RPL15: variants seen among roughly 807,000 people sequenced by gnomAD.
RPL15 encodes large ribosomal subunit protein eL15.
For missense variants in RPL15, 161 were observed against 271.8 expected (o/e 0.59, Z 2.87); for synonymous variants, 97 against 95.1 (o/e 1.02, Z -0.12).
chr3:23,920,451 A>G lies in RPL15; in HGVS notation c.*950A>G. On this transcript the variant is annotated 3_prime_UTR_variant, in exon 4 of 4. Transcript: ENST00000307839. ...CCAAACAACCCTAAAAATCCTTACCATTCCACAAAGTTGGACCATCACTTG... is the reference window on the plus strand; with the variant it reads ...CCAAACAACCCTAAAAATCCTTACCGTTCCACAAAGTTGGACCATCACTTG... 9 of 985,404 alleles carry G rather than the reference A, an allele frequency of 9.1e-6. No individual in the cohort carries two copies. Among genetic ancestry groups the G allele is most frequent in the Non-Finnish European group, 1.1e-5 (9 of 829,934 alleles). 61.0% of individuals were successfully genotyped at this position (985,404 alleles called of 1,614,324 possible). A position where few individuals can be genotyped will look rare whatever the true frequency, so the allele number is the denominator to read the frequency against.
upstream of RPL15, chr3:23,916,722 G>GAGA (rs1553644332): frequency 1.3e-5 from 2 of 152,164 alleles, no homozygotes; most frequent in Admixed American, 6.6e-5. Flanking sequence ...GGACAGCGCA[G>GAGA]CGCGGAGACG....
upstream of RPL15, chr3:23,916,621 G>T (rs557722152): frequency 3.3e-5 from 5 of 152,562 alleles, no homozygotes; most frequent in Non-Finnish European, 5.9e-5. Flanking sequence ...CTCCGCGAAG[G>T]CCTCCCTGGG....
Position 23,920,609 on chromosome 3 carries a change from T to C in RPL15, c.*1108T>C. On this transcript the variant is annotated 3_prime_UTR_variant, in exon 4 of 4. Transcript: ENST00000307839. ...AATGTAGACAAGGAATTGCCCAATTTTAAATTCTGACTTTGCTGACTTAAT... is the reference window on the plus strand; with the variant it reads ...AATGTAGACAAGGAATTGCCCAATTCTAAATTCTGACTTTGCTGACTTAAT... 1.0e-6 allele frequency: 1 copy of C among 985,228 alleles called. No individual in the cohort carries two copies. Among genetic ancestry groups the C allele is most frequent in the Non-Finnish European group, 1.2e-6 (1 of 829,746 alleles). 61.0% of individuals were successfully genotyped at this position (985,228 alleles called of 1,614,324 possible). A position where few individuals can be genotyped will look rare whatever the true frequency, so the allele number is the denominator to read the frequency against.
chr3:23,917,937 C>T lies in RPL15; in HGVS notation c.78C>T (p.Arg26=), dbSNP rs772921805. The T allele has an allele frequency of 6.2e-7, 1 of 1,613,706 alleles. No homozygotes were observed. Among genetic ancestry groups the T allele is most frequent in the Non-Finnish European group, 8.5e-7 (1 of 1,179,756 alleles). ...TCATGCGCTTTCTTCTGAGGGTCCGCTGCTGGCAGTACCGCCAGCTCTCTG... is the reference window on the plus strand; with the variant it reads ...TCATGCGCTTTCTTCTGAGGGTCCGTTGCTGGCAGTACCGCCAGCTCTCTG... The part of the protein sequence containing the change: ...SDVMRFLLRV[R]CWQYRQLSAL... Residue 26 remains arginine (R), a synonymous_variant, in exon 2 of 4, where the codon CGC becomes CGT. Transcript: ENST00000307839.
intron 2 of RPL15, 83 bp downstream of exon 2, chr3:23,918,114 C>G: frequency 1.4e-6 from 2 of 1,477,386 alleles, no homozygotes; most frequent in Non-Finnish European, 1.8e-6. Flanking sequence ...ACACTGCTGC[C>G]TCAGTGTCTT....
downstream of RPL15, chr3:23,923,878 ACTCTT>A (rs1294168211): frequency 6.6e-6 from 1 of 152,082 alleles, no homozygotes; most frequent in African/African-American, 2.4e-5. Flanking sequence ...GGGAAATGAT[ACTCTT>A]CTCTACTTTT....
At chr3:23,923,099 T>G (rs9853532), downstream of RPL15, 1 of 152,042 alleles carries the variant, frequency 6.6e-6, no homozygotes, top group Non-Finnish European at 1.5e-5. Context: ...CCACGGTGCC[T>G]GGCCTACATA....
chr3:23,917,702 G>T (rs1704718787), intron 1 of RPL15, 148 bp from the exon 2 acceptor site: 2 of 749,492 alleles, frequency 2.7e-6, no homozygotes, highest in African/African-American at 1.8e-5. Context: ...AGTGGTGGGG[G>T]TTGGGCTAGC....
Position 23,920,410 on chromosome 3 carries a change from A to G in RPL15, c.*909A>G, listed in dbSNP as rs1705012217. 1.0e-6 allele frequency: 1 copy of G among 985,248 alleles called. No homozygotes were observed. The highest frequency in any genetic ancestry group is 1.2e-6 in the Non-Finnish European group (1 of 829,924). 61.0% of individuals were successfully genotyped at this position (985,248 alleles called of 1,614,324 possible). A position where few individuals can be genotyped will look rare whatever the true frequency, so the allele number is the denominator to read the frequency against. ...CCAACCATATGTGTTTTCTGCAGTTATTTCTCTTGTTCTGGCCAAACAACC... is the reference window on the plus strand; with the variant it reads ...CCAACCATATGTGTTTTCTGCAGTTGTTTCTCTTGTTCTGGCCAAACAACC... On this transcript the variant is annotated 3_prime_UTR_variant, in exon 4 of 4. Transcript: ENST00000307839.
At chr3:23,918,130 G>T in intron 2 of RPL15, 99 bp downstream of exon 2, 1 of 1,427,886 alleles carries the variant, frequency 7.0e-7, no homozygotes, top group Non-Finnish European at 9.4e-7. Context: ...GTCTTTCTTC[G>T]CATAGGGCTT....
downstream of RPL15, chr3:23,921,798 C>T (rs1705096847): frequency 1.7e-6 from 1 of 571,706 alleles, no homozygotes; most frequent in African/African-American, 1.9e-5. Context: ...TGGTCTCGAA[C>T]TCCTGACCTC....
chr3:23,921,520 TTAC>T (rs1316585798), downstream of RPL15: 4 of 678,470 alleles, frequency 5.9e-6, no homozygotes, highest in African/African-American at 1.8e-5. Flanking sequence ...CCCATTTGCT[TTAC>T]TATTTCTATA....
Position 23,919,297 on chromosome 3 carries a change from A to G in RPL15, c.411A>G (p.Pro137=), listed in dbSNP as rs1575121314. Residue 137 remains proline (P), a synonymous_variant, in exon 4 of 4, where the codon CCA becomes CCG. Transcript: ENST00000307839. ...YKFFEVILID[P]FHKAIRRNPD... is the part of the protein sequence containing the mutation. ...TTTTTGAGGTTATCCTCATTGATCC[A>G]TTCCATAAAGCTATCAGAAGAAATC... The G allele has an allele frequency of 1.2e-6, 2 of 1,607,494 alleles. No homozygotes were observed. The highest frequency in any genetic ancestry group is 8.5e-7 in the Non-Finnish European group (1 of 1,178,804).
rs1704755332 is a variant in RPL15 at position 23,918,000 on chromosome 3, A to G, written c.141A>G (p.Lys47=). The G allele has an allele frequency of 6.2e-7, 1 of 1,610,864 alleles. No homozygotes were observed. Among genetic ancestry groups the G allele is most frequent in the African/African-American group, 1.3e-5 (1 of 74,838 alleles). Residue 47 remains lysine, a synonymous_variant, in exon 2 of 4, where the codon AAA becomes AAG. Coordinates refer to ENST00000307839, the MANE Select transcript of RPL15 (RefSeq NM_002948.5). ...CTCCCCGCCCCACCCGGCCTGATAA[A>G]GCGCGCCGACTGGGCTACAAGGCCA... ...HRAPRPTRPD[K]ARRLGYKAKQ...
chr3:23,917,746 T>C, intron 1 of RPL15, 104 bp from the exon 2 acceptor site: 1 of 1,185,178 alleles, frequency 8.4e-7, no homozygotes, highest in East Asian at 2.5e-5. Context: ...CCATTTTCAT[T>C]CCCGGCGGTT....
chr3:23,918,584 G>A lies in RPL15; in HGVS notation c.309+8G>A, dbSNP rs550146285. 4 of 1,612,662 alleles carry A rather than the reference G, an allele frequency of 2.5e-6. No individual in the cohort carries two copies. Among genetic ancestry groups the A allele is most frequent in the East Asian group, 2.2e-5 (1 of 44,874 alleles). ...CTTCAGTCCGTTGCAGAGGTAAATGGTTTTGAGTAGCAGTTATATTGAATA... is the reference window on the plus strand; with the variant it reads ...CTTCAGTCCGTTGCAGAGGTAAATGATTTTGAGTAGCAGTTATATTGAATA... On this transcript the variant is annotated splice_region_variant and intron_variant, in intron 3 of 3. Transcript: ENST00000307839.
chr3:23,921,229 C>T (rs1705062974), downstream of RPL15, among the ~76,000 whole-genome samples: 2 of 152,176 alleles, frequency 1.3e-5, no homozygotes, highest in South Asian at 4.1e-4. Flanking sequence ...TGTTCCTGTC[C>T]TTGCTACCCA....
rs1051306309 is a variant in RPL15 at position 23,920,376 on chromosome 3, G to A, written c.*875G>A. The A allele has an allele frequency of 5.7e-5, 56 of 985,140 alleles. No homozygotes were observed. Among genetic ancestry groups the A allele is most frequent in the Non-Finnish European group, 6.3e-5 (52 of 829,714 alleles). 61.0% of individuals were successfully genotyped at this position (985,140 alleles called of 1,614,324 possible). A position where few individuals can be genotyped will look rare whatever the true frequency, so the allele number is the denominator to read the frequency against. On this transcript the variant is annotated 3_prime_UTR_variant, in exon 4 of 4. Transcript: ENST00000307839. ...ATAGGCTACAGAAAAAGTCACAAGC[G>A]CATGGTTTCCAACCATATGTGTTTT...
Position 23,919,399 on chromosome 3 carries a change from C to T in RPL15, c.513C>T (p.Ser171=), listed in dbSNP as rs1023749007. ...GGCTGACATCTGCAGGCCGAAAGAG[C>T]CGTGGCCTTGGAAAGGGCCACAAGT... ...MRGLTSAGRK[S]RGLGKGHKFH... The change falls in exon 4 of 4, where the codon AGC becomes AGT. Residue 171 remains serine, a synonymous_variant. Transcript: ENST00000307839. The T allele has an allele frequency of 6.9e-6, 11 of 1,603,092 alleles. No individual in the cohort carries two copies. The highest frequency in any genetic ancestry group is 1.7e-5 in the Admixed American group (1 of 60,000).
Sources: gnomAD v4.1 joint callset for allele counts (sites outside exome capture counted in the v4.1 genomes callset) on GRCh38, gnomAD v4.1.1 for gene constraint, MANE v1.5 for transcripts, NCBI Gene and HGNC (gene_info 2026-07-23, HGNC 2026-07-21) for gene names.